PLA2G4E: variants seen among roughly 807,000 people sequenced by gnomAD.
The protein encoded by PLA2G4E is cytosolic phospholipase A2 epsilon.
PLA2G4E carries 84 observed loss-of-function variants against 109.1 expected under a neutral mutation model. The ratio of observed to expected loss-of-function variants is 0.77; its 90% CI spans 0.65 to 0.92. The LOEUF (loss-of-function observed/expected upper bound fraction) is 0.92. Ranked by LOEUF, PLA2G4E falls within the 40% of genes least tolerant of loss-of-function variation. The pLI, the probability that PLA2G4E is intolerant of heterozygous loss-of-function variation, is 0.00. For missense variants in PLA2G4E, 1,057 were observed against 1,076.6 expected, an observed-to-expected ratio of 0.98 and a Z score of 0.25; for synonymous variants, 469 against 436.1, an observed-to-expected ratio of 1.08 and a Z score of -0.94.
chr15:42,023,897 T>C (rs1427117461), intron 1 of PLA2G4E, among the ~76,000 whole-genome samples: 1 of 152,136 alleles, frequency 6.6e-6, no homozygotes, highest in African/African-American at 2.4e-5. Flanking sequence ...TGGTGGAAGT[T>C]TCTTCCCCCA....
chr15:42,032,126 T>C, intron 1 of PLA2G4E, among the ~76,000 whole-genome samples: 1 of 152,272 alleles, frequency 6.6e-6, no homozygotes, highest in African/African-American at 2.4e-5. Context: ...CTGCCACGAG[T>C]AAAAGCTTCC....
Position 42,006,126 on chromosome 15 carries a change from G to A in PLA2G4E, c.394-5C>T. ...GACACTCAACTCTAGCACGTTCTAG[G>A]GGAGAAGGAAGGATGCCAGTCTGGT... On this transcript the variant is annotated splice_region_variant and splice_polypyrimidine_tract_variant and intron_variant, in intron 3 of 19. Coordinates refer to ENST00000399518, the Ensembl canonical transcript of PLA2G4E. 6.2e-7 allele frequency: 1 copy of A among 1,613,470 alleles called. No homozygotes were observed. The highest frequency in any genetic ancestry group is 8.5e-7 in the Non-Finnish European group (1 of 1,179,570).
At chr15:42,019,112 C>G (rs2068623830) in intron 1 of PLA2G4E, among the ~76,000 whole-genome samples, 1 of 152,170 alleles carries the variant, frequency 6.6e-6, no homozygotes, top group African/African-American at 2.4e-5. Flanking sequence ...GTGGCAGAGC[C>G]AGGACTTGGG....
chr15:41,996,148 A>C (rs957648391), intron 11 of PLA2G4E, among the ~76,000 whole-genome samples: 1 of 152,010 alleles, frequency 6.6e-6, no homozygotes, highest in South Asian at 2.1e-4. Flanking sequence ...GGAGTTCAAG[A>C]CCAGCCTGGG....
chr15:42,042,663 T>C (rs1595579975), intron 1 of PLA2G4E, among the ~76,000 whole-genome samples: 2 of 150,428 alleles, frequency 1.3e-5, no homozygotes, highest in Admixed American at 1.3e-4. Flanking sequence ...TGAGGTGGGG[T>C]CAGGCAAACC....
intron 5 of PLA2G4E, 149 bp downstream of exon 5, chr15:42,004,789 A>G (rs2068457458): frequency 1.2e-6 from 1 of 853,054 alleles, no homozygotes; most frequent in East Asian, 2.6e-5. Flanking sequence ...GGTGATTCTG[A>G]TGCACAGTGA....
At chr15:42,000,398 C>T in intron 7 of PLA2G4E, 116 bp from the exon 8 acceptor site, 4 of 991,462 alleles carry the variant, frequency 4.0e-6, no homozygotes, top group Non-Finnish European at 5.9e-6. Context: ...TCACCTGGGG[C>T]ACCAGTTCAA....
intron 5 of PLA2G4E, among the ~76,000 whole-genome samples, chr15:42,003,751 C>T (rs537550859): frequency 2.4e-4 from 37 of 152,352 alleles, no homozygotes; most frequent in East Asian, 7.7e-4. Context: ...CTTCTGTTCC[C>T]GGGCTCATCA....
At chr15:42,037,475 C>T (rs774061711) in intron 1 of PLA2G4E, among the ~76,000 whole-genome samples, 3 of 152,222 alleles carry the variant, frequency 2.0e-5, no homozygotes, top group Non-Finnish European at 4.4e-5. Flanking sequence ...CTACCTACTG[C>T]GGGTCTCCTC....
intron 1 of PLA2G4E, among the ~76,000 whole-genome samples, chr15:42,047,540 G>T (rs72727720): frequency 1.3e-5 from 2 of 152,110 alleles, no homozygotes; most frequent in African/African-American, 4.8e-5. Flanking sequence ...ACAGTGTTGC[G>T]TTAGGGATTA....
intron 10 of PLA2G4E, chr15:41,997,691 A>G (rs546895910): frequency 6.5e-6 from 1 of 153,660 alleles, no homozygotes; most frequent in East Asian, 1.9e-4. Context: ...GCCCCACGGT[A>G]TGGACTCTTC....
chr15:41,997,414 G>A, intron 10 of PLA2G4E, 155 bp from the exon 11 acceptor site: 5 of 792,160 alleles, frequency 6.3e-6, no homozygotes, highest in Non-Finnish European at 9.3e-6. Flanking sequence ...GTAAAGTGGG[G>A]CGAATCGTGC....
intron 3 of PLA2G4E, chr15:42,006,350 A>C (rs1374656858): frequency 2.4e-6 from 1 of 417,010 alleles, no homozygotes. Flanking sequence ...TTCTGTTCTC[A>C]CTTTCCTGCT....
Position 41,984,519 on chromosome 15 carries a change from A to G in PLA2G4E, c.2303T>C (p.Met768Thr), listed in dbSNP as rs1014383843. Reference sequence around the variant, plus strand: ...GGCATCGGGTTCCTGGGGGTTCTCCATCAGGTAGCATTCCTTGAGATTTTC... The same window carrying G: ...GGCATCGGGTTCCTGGGGGTTCTCCGTCAGGTAGCATTCCTTGAGATTTTC... The change falls in exon 19 of 20, where the codon ATG (methionine) becomes ACG (threonine). Residue 768 changes from methionine (M) to threonine (T), a missense_variant. By Grantham distance (81) the Met-to-Thr change is moderately conservative. Transcript: ENST00000399518. The G allele has an allele frequency of 1.9e-6, 3 of 1,613,830 alleles. No homozygotes were observed. The African/African-American group carries it at 4.0e-5, about 22-fold the overall frequency.
intron 2 of PLA2G4E, among the ~76,000 whole-genome samples, chr15:42,010,710 G>A (rs2068527691): frequency 6.6e-6 from 1 of 152,188 alleles, no homozygotes; most frequent in Admixed American, 6.5e-5. Context: ...GGAGACACCT[G>A]TCTGATATCC....
chr15:42,010,132 G>GGCCCCCCCCC, intron 2 of PLA2G4E: 1 of 417,170 alleles, frequency 2.4e-6, no homozygotes, highest in Non-Finnish European at 4.7e-6. Context: ...CAGAACACTG[G>GGCCCCCCCCC]CCCCCCCACC....
chr15:41,997,393 C>CT, intron 10 of PLA2G4E, 134 bp from the exon 11 acceptor site: 1 of 1,021,514 alleles, frequency 9.8e-7, no homozygotes, highest in Non-Finnish European at 1.3e-6. Context: ...TGGGTCTCCA[C>CT]TTTCCCATCT....
chr15:42,014,538 C>G (rs1006084130), intron 1 of PLA2G4E, among the ~76,000 whole-genome samples: 10 of 152,212 alleles, frequency 6.6e-5, no homozygotes, highest in African/African-American at 2.4e-4. Context: ...GAGGCAGGCA[C>G]AGTGTGGCTG....
chr15:42,010,217 C>T, intron 2 of PLA2G4E: 1 of 517,234 alleles, frequency 1.9e-6, no homozygotes, highest in Non-Finnish European at 3.9e-6. Context: ...AGCTCTATAC[C>T]TACTGGTTCT....
Sources: allele counts gnomAD v4.1 joint callset (sites outside exome capture counted in the v4.1 genomes callset), GRCh38; gene constraint gnomAD v4.1.1; transcripts MANE v1.5; gene names NCBI Gene and HGNC (gene_info 2026-07-23, HGNC 2026-07-21).